PARD3B: variants seen among roughly 807,000 people sequenced by gnomAD.
The protein encoded by PARD3B is partitioning defective 3 homolog B.
A neutral mutation model predicts 130.2 loss-of-function variants in PARD3B; 103 were observed. The observed-to-expected ratio is 0.79, with a 90% CI of 0.67 to 0.93. PARD3B has a LOEUF of 0.93. Among genes scored for constraint, PARD3B ranks in the 40% least tolerant of loss-of-function variants. The pLI is 0.00. For missense variants in PARD3B, 1,609 were observed against 1,499.2 expected (o/e 1.07, Z -1.21); for synonymous variants, 583 against 553.2 (o/e 1.05, Z -0.76).
At chr2:204,655,132 A>G (rs997681061) in intron 1 of PARD3B, among the ~76,000 whole-genome samples, 1 of 152,214 alleles carries the variant, frequency 6.6e-6, no homozygotes. Flanking sequence ...GGCTGCAAGT[A>G]CACATCTCTT....
In PARD3B at chr2:205,549,934, C is replaced by G. The variant is rs1190427683; in HGVS notation, c.3181-3390C>G. Among the ~76,000 whole-genome samples, 3 of 152,078 alleles carry G rather than the reference C, an allele frequency of 2.0e-5. No homozygotes were observed. The South Asian group carries it at 6.2e-4, about 32-fold the overall frequency. Reference sequence around the variant, plus strand: ...CCTAAATTTTTTTGTGAACCTAAAACTGCTCTAAAAACTAGTTTCTTTTTA... The same window carrying G: ...CCTAAATTTTTTTGTGAACCTAAAAGTGCTCTAAAAACTAGTTTCTTTTTA... On this transcript the variant is annotated intron_variant, in intron 21 of 22. Transcript: ENST00000406610.
intron 3 of PARD3B, among the ~76,000 whole-genome samples, chr2:205,026,712 G>T (rs759780755): frequency 4.6e-5 from 7 of 152,122 alleles, no homozygotes; most frequent in Non-Finnish European, 8.8e-5. Context: ...TGGCACCCAT[G>T]ATTCTACTGT....
intron 2 of PARD3B, among the ~76,000 whole-genome samples, chr2:204,824,234 C>A (rs1356070121): frequency 6.6e-6 from 1 of 152,132 alleles, no homozygotes; most frequent in Non-Finnish European, 1.5e-5. Flanking sequence ...TTGCATTTGG[C>A]CAATGGAGAA....
intron 16 of PARD3B, among the ~76,000 whole-genome samples, chr2:205,257,456 G>A (rs892461818): frequency 1.5e-4 from 23 of 151,848 alleles, no homozygotes; most frequent in African/African-American, 5.6e-4. Flanking sequence ...TAGAAATACT[G>A]GCATCAAACT....
At chr2:204,704,942 G>C (rs147010350) in intron 2 of PARD3B, among the ~76,000 whole-genome samples, 1 of 152,146 alleles carries the variant, frequency 6.6e-6, no homozygotes, top group Non-Finnish European at 1.5e-5. Context: ...GAACTGGAGC[G>C]AGGCATTATG....
intron 4 of PARD3B, among the ~76,000 whole-genome samples, chr2:205,049,550 A>G (rs185351218): frequency 2.9e-4 from 44 of 152,194 alleles, no homozygotes; most frequent in African/African-American, 9.9e-4. Flanking sequence ...CGGTCCTCCA[A>G]TGTTTATTTC....
intron 2 of PARD3B, among the ~76,000 whole-genome samples, chr2:204,719,893 A>G (rs13396823): frequency 0.012 from 1,783 of 152,298 alleles, 32 homozygotes; most frequent in African/African-American, 0.041. Context: ...ATACTATTCT[A>G]TAGTTGTGAG....
chr2:204,884,541 A>T (rs1484704050), intron 2 of PARD3B, among the ~76,000 whole-genome samples: 1 of 152,132 alleles, frequency 6.6e-6, no homozygotes, highest in Non-Finnish European at 1.5e-5. Context: ...GGTTTGCTGC[A>T]CAGATCAACC....
chr2:205,525,440 A>G lies in PARD3B; in HGVS notation c.3180+25409A>G, dbSNP rs1405736412. Among the ~76,000 whole-genome samples, 1 of 152,176 alleles carries G rather than the reference A, an allele frequency of 6.6e-6. No individual in the cohort carries two copies. Among genetic ancestry groups the G allele is most frequent in the African/African-American group, 2.4e-5 (1 of 41,426 alleles). ...AGATGTAAAAAATAATTACAATATA[A>G]TGCTGGGTGTTATGTATGCACAGTT... On this transcript the variant is annotated intron_variant, in intron 21 of 22. Coordinates refer to ENST00000406610, the MANE Select transcript of PARD3B (RefSeq NM_001302769.2). This position sits in a 1 kb window ranked among gnomAD's most constrained non-coding sequence, Gnocchi z 4.2.
intron 4 of PARD3B, among the ~76,000 whole-genome samples, chr2:205,062,792 T>C (rs1700136659): frequency 6.6e-6 from 1 of 152,178 alleles, no homozygotes; most frequent in Admixed American, 6.6e-5. Flanking sequence ...TTTTTAAAAA[T>C]AAACAAATGT....
At chr2:205,188,349 G>A (rs1169489121) in intron 14 of PARD3B, among the ~76,000 whole-genome samples, 6 of 152,194 alleles carry the variant, frequency 3.9e-5, no homozygotes, top group Non-Finnish European at 8.8e-5. Flanking sequence ...GAAGGGCATT[G>A]TCTGTCCTGC....
In PARD3B at chr2:204,960,936, C is replaced by T. The variant is rs951210609; in HGVS notation, c.223-4216C>T. On this transcript the variant is annotated intron_variant, in intron 2 of 22. Transcript: ENST00000406610. ...GCATTTGATTAAAGATCTGAAAGATCGAGGAAGAAGCCTTGCAGGTGCCTG... is the reference window on the plus strand; with the variant it reads ...GCATTTGATTAAAGATCTGAAAGATTGAGGAAGAAGCCTTGCAGGTGCCTG... Among the ~76,000 whole-genome samples the T allele has an allele frequency of 6.6e-5, 10 of 152,290 alleles. No individual in the cohort carries two copies. In the East Asian group the frequency reaches 1.4e-3, roughly 21 times the overall value.
intron 15 of PARD3B, among the ~76,000 whole-genome samples, chr2:205,227,861 T>G (rs1322248465): frequency 6.6e-6 from 1 of 152,182 alleles, no homozygotes; most frequent in Non-Finnish European, 1.5e-5. Flanking sequence ...TTGTATGTTT[T>G]TGATTTGAGG....
At chr2:204,941,265 T>A (rs1024020381) in intron 2 of PARD3B, among the ~76,000 whole-genome samples, 8 of 152,168 alleles carry the variant, frequency 5.3e-5, no homozygotes, top group African/African-American at 1.9e-4. Flanking sequence ...TCCCGGCTAT[T>A]CAGGAGGCTG....
At chr2:204,647,373 T>C (rs1322870315) in intron 1 of PARD3B, among the ~76,000 whole-genome samples, 2 of 151,936 alleles carry the variant, frequency 1.3e-5, no homozygotes, top group African/African-American at 4.8e-5. Flanking sequence ...TACATGTATT[T>C]TTTTTAATTT....
intron 2 of PARD3B, among the ~76,000 whole-genome samples, chr2:204,790,160 A>C (rs565989260): frequency 6.6e-6 from 1 of 152,298 alleles, no homozygotes; most frequent in South Asian, 2.1e-4. Flanking sequence ...ATAAGCCACC[A>C]TGCCCAGCCT....
At chr2:205,199,942 C>G (rs753652815) in intron 15 of PARD3B, among the ~76,000 whole-genome samples, 1 of 151,692 alleles carries the variant, frequency 6.6e-6, no homozygotes, top group East Asian at 1.9e-4. Flanking sequence ...AATCTCAATG[C>G]TGATCATCAG....
intron 10 of PARD3B, among the ~76,000 whole-genome samples, chr2:205,130,121 T>C (rs1003065066): frequency 1.3e-5 from 2 of 152,140 alleles, no homozygotes; most frequent in Non-Finnish European, 2.9e-5. Context: ...CTTTCCAGAA[T>C]CCCATTCTGA....
intron 4 of PARD3B, among the ~76,000 whole-genome samples, chr2:205,093,282 T>C (rs2125544764): frequency 6.6e-6 from 1 of 152,182 alleles, no homozygotes; most frequent in African/African-American, 2.4e-5. Flanking sequence ...GCAAGTAGAG[T>C]ATCTGTTGTA....
Sources: allele counts gnomAD v4.1 joint callset (sites outside exome capture counted in the v4.1 genomes callset), GRCh38; gene constraint gnomAD v4.1.1; non-coding constraint Gnocchi (gnomAD v3.1); transcripts MANE v1.5; gene names NCBI Gene and HGNC (gene_info 2026-07-23, HGNC 2026-07-21).